The following EIF4ENIF1 variants were observed in gnomAD, a reference collection of about 807,000 sequenced individuals.
The protein encoded by EIF4ENIF1 is eukaryotic translation initiation factor 4E nuclear import factor 1.
In EIF4ENIF1, 23 loss-of-function variants were observed where a neutral mutation model predicts 110.5. The ratio of observed to expected loss-of-function variants is 0.21; its 90% CI spans 0.15 to 0.29. The LOEUF is 0.29. EIF4ENIF1 is among the 10% of genes least tolerant of loss of function. EIF4ENIF1 has a pLI of 1.00. For missense variants in EIF4ENIF1, 1,031 were observed against 1,221.1 expected, an observed-to-expected ratio of 0.84 and a Z score of 2.32; for synonymous variants, 440 against 437.0, an observed-to-expected ratio of 1.01 and a Z score of -0.09.
intron 10 of EIF4ENIF1, among the ~76,000 whole-genome samples, chr22:31,451,819 G>C (rs962228968): frequency 6.6e-6 from 1 of 152,154 alleles, no homozygotes; most frequent in Non-Finnish European, 1.5e-5. Context: ...CATCCAACCT[G>C]GAGTCCCCTC....
intron 4 of EIF4ENIF1, among the ~76,000 whole-genome samples, chr22:31,465,336 A>C (rs1196950766): frequency 6.6e-6 from 1 of 152,042 alleles, no homozygotes; most frequent in Non-Finnish European, 1.5e-5. Flanking sequence ...AAAAAAAAAA[A>C]AAAAACCAAC....
intron 2 of EIF4ENIF1, among the ~76,000 whole-genome samples, chr22:31,477,169 G>A (rs2051606695): frequency 6.6e-6 from 1 of 151,396 alleles, no homozygotes; most frequent in African/African-American, 2.4e-5. Context: ...TTCAAGACCA[G>A]CATGGCCAAC....
chr22:31,481,493 A>G (rs1238864940), intron 2 of EIF4ENIF1, among the ~76,000 whole-genome samples: 1 of 152,196 alleles, frequency 6.6e-6, no homozygotes, highest in Non-Finnish European at 1.5e-5. Flanking sequence ...TAAGAAGTTT[A>G]TACCTAAATT....
downstream of EIF4ENIF1, among the ~76,000 whole-genome samples, chr22:31,439,136 G>T (rs957698251): frequency 6.6e-6 from 1 of 152,158 alleles, no homozygotes; most frequent in Non-Finnish European, 1.5e-5. Context: ...GGGCTACATG[G>T]TAAGACCCTG....
chr22:31,473,030 G>C (rs2051439396), intron 2 of EIF4ENIF1, among the ~76,000 whole-genome samples: 1 of 148,946 alleles, frequency 6.7e-6, no homozygotes, highest in Non-Finnish European at 1.5e-5. Context: ...TCTCCACGAA[G>C]CCAAGTTTTT....
chr22:31,454,814 C>T (rs1023699287), intron 9 of EIF4ENIF1, among the ~76,000 whole-genome samples: 4 of 152,100 alleles, frequency 2.6e-5, no homozygotes, highest in Non-Finnish European at 5.9e-5. Flanking sequence ...AAGACTAGGG[C>T]AGATTTGTGA....
chr22:31,441,179 A>T (rs2145888057), intron 17 of EIF4ENIF1, among the ~76,000 whole-genome samples: 1 of 152,132 alleles, frequency 6.6e-6, no homozygotes, highest in Non-Finnish European at 1.5e-5. Context: ...AGAACTCGGG[A>T]GAGGCAGAGG....
chr22:31,464,124 T>C (rs1450885287), intron 4 of EIF4ENIF1, 157 bp from the exon 5 acceptor site: 5 of 845,692 alleles, frequency 5.9e-6, no homozygotes, highest in Non-Finnish European at 8.8e-6. Context: ...AACATGTACA[T>C]TATGTATTTA....
At chr22:31,438,243 A>T (rs548711848), downstream of EIF4ENIF1, among the ~76,000 whole-genome samples, 1 of 152,348 alleles carries the variant, frequency 6.6e-6, no homozygotes, top group African/African-American at 2.4e-5. Context: ...GGAAATAAGT[A>T]TCACCTCATA....
At chr22:31,493,075 C>G (rs1041110894), upstream of EIF4ENIF1, among the ~76,000 whole-genome samples, 1 of 151,640 alleles carries the variant, frequency 6.6e-6, no homozygotes, top group African/African-American at 2.4e-5. Flanking sequence ...GCTCTGTCGT[C>G]CAGGCTGGAG....
At chr22:31,473,004 A>ATCATTCTATT (rs1398348691) in intron 2 of EIF4ENIF1, among the ~76,000 whole-genome samples, 2 of 150,534 alleles carry the variant, frequency 1.3e-5, no homozygotes, top group Non-Finnish European at 2.9e-5. Flanking sequence ...TCTGGTATCT[A>ATCATTCTATT]TCATTCTATT....
chr22:31,453,375 A>G, intron 10 of EIF4ENIF1: 1 of 355,808 alleles, frequency 2.8e-6, no homozygotes, highest in Non-Finnish European at 5.5e-6. Flanking sequence ...AACCCATCTT[A>G]CTTTTTTTTT....
chr22:31,440,693 C>A lies in EIF4ENIF1; in HGVS notation c.2716+11G>T. 1 of 1,612,598 alleles carries A rather than the reference C, an allele frequency of 6.2e-7. No individual in the cohort carries two copies. The highest frequency in any genetic ancestry group is 1.1e-5 in the South Asian group (1 of 90,974). On this transcript the variant is annotated intron_variant, in intron 18 of 18. Coordinates refer to ENST00000330125, the MANE Select transcript of EIF4ENIF1 (RefSeq NM_019843.4). ...CCGTCCCAAACTCACCTGTCACATT[C>A]CTGAACCTACCTGAGCGCTGTAGCT...
At chr22:31,456,721 T>C (rs577680754) in intron 7 of EIF4ENIF1, among the ~76,000 whole-genome samples, 1 of 151,878 alleles carries the variant, frequency 6.6e-6, no homozygotes, top group African/African-American at 2.4e-5. Flanking sequence ...GTTTTTACCA[T>C]GTTGGCCAGG....
At chr22:31,490,725 C>T (rs968859898), upstream of EIF4ENIF1, among the ~76,000 whole-genome samples, 6 of 152,074 alleles carry the variant, frequency 3.9e-5, no homozygotes, top group East Asian at 1.2e-3. Flanking sequence ...GTAACTGCAT[C>T]CTGGGGAGGA....
At chr22:31,438,409 ATTAATGCATGAGTCTTAAGGGAAATTC>A (rs1443818005), downstream of EIF4ENIF1, among the ~76,000 whole-genome samples, 34 of 152,322 alleles carry the variant, frequency 2.2e-4, no homozygotes, top group Middle Eastern at 3.4e-3. Context: ...CAAGGAGTCA[ATTAATGCATGAGTCTTAAGGGAAATTC>A]TTAGACTTCA....
rs761027764 is a variant in EIF4ENIF1, at chr22:31,455,133, T to TAGGC, written c.1279+2_1279+3insGCCT. On this transcript the variant is annotated splice_region_variant and intron_variant, in intron 9 of 18. Coordinates refer to ENST00000330125, the MANE Select transcript of EIF4ENIF1 (RefSeq NM_019843.4). ...TCTAAAACAGATATTCATAAACACT[T>TAGGC]ACAGCTTTCTTTAAGTTTTTCTTTA... 1 of 1,608,606 alleles carries TAGGC rather than the reference T, an allele frequency of 6.2e-7. No homozygotes were observed.
chr22:31,492,286 A>AGTC (rs1264561440), upstream of EIF4ENIF1, among the ~76,000 whole-genome samples: 1 of 152,314 alleles, frequency 6.6e-6, no homozygotes, highest in East Asian at 1.9e-4. Flanking sequence ...CTTAGAAAGG[A>AGTC]GTCAGCACGG....
chr22:31,445,065 CAAG>C (rs2050419972), intron 14 of EIF4ENIF1, among the ~76,000 whole-genome samples: 2 of 152,154 alleles, frequency 1.3e-5, no homozygotes, highest in Non-Finnish European at 1.5e-5. Flanking sequence ...TGGGTGCGAT[CAAG>C]AAGAAGCTAG....
Sources: allele counts gnomAD v4.1 joint callset (sites outside exome capture counted in the v4.1 genomes callset), GRCh38; gene constraint gnomAD v4.1.1; transcripts MANE v1.5; gene names NCBI Gene and HGNC (gene_info 2026-07-23, HGNC 2026-07-21).